HS3ST3A1: variants seen among roughly 807,000 people sequenced by gnomAD.
HS3ST3A1 encodes the protein heparan sulfate glucosamine 3-O-sulfotransferase 3A1.
A neutral mutation model predicts 25.7 loss-of-function variants in HS3ST3A1; 19 were observed. That is an observed-to-expected ratio of 0.74 (90% CI 0.52 to 1.08). The LOEUF is 1.08. HS3ST3A1 is among the 50% of genes least tolerant of loss of function. The probability of loss-of-function intolerance (pLI) is 0.00; values close to 1 mark genes in which losing one functional copy is unlikely to be tolerated. For synonymous variants in HS3ST3A1, 226 were observed against 278.6 expected (o/e 0.81, Z 1.88); for missense variants, 459 against 594.3 (o/e 0.77, Z 2.37).
chr17:13,584,521 A>G (rs1360560375), intron 1 of HS3ST3A1, among the ~76,000 whole-genome samples: 2 of 147,972 alleles, frequency 1.4e-5, no homozygotes, highest in Non-Finnish European at 3.0e-5. Context: ...GAAGGAAAAA[A>G]GGAAGGAAGG....
At chr17:13,579,829 G>GGCC (rs1908059645) in intron 1 of HS3ST3A1, among the ~76,000 whole-genome samples, 2 of 150,434 alleles carry the variant, frequency 1.3e-5, no homozygotes, top group Non-Finnish European at 3.0e-5. Context: ...AAATTAGTGG[G>GGCC]GCCGTGGTGG....
At position 13,570,183 on chromosome 17, in the gene HS3ST3A1, T is replaced by C. The variant is rs117602471; in HGVS notation, c.599+30348A>G. ...TACTCAGAGATGCAAAGTAAACCAA[T>C]GATCTTAGGATATGGAAGACGTAAA... On this transcript the variant is annotated intron_variant, in intron 1 of 1. Coordinates refer to ENST00000284110, the MANE Select transcript of HS3ST3A1 (RefSeq NM_006042.3). Among the ~76,000 whole-genome samples the C allele has an allele frequency of 9.7e-3, 1,459 of 150,622 alleles. 12 individuals carry two copies. The highest frequency in any genetic ancestry group is 0.016 in the Non-Finnish European group (1,080 of 67,986).
chr17:13,574,984 C>T (rs1907914910), intron 1 of HS3ST3A1, among the ~76,000 whole-genome samples: 1 of 152,138 alleles, frequency 6.6e-6, no homozygotes, highest in African/African-American at 2.4e-5. Context: ...AATGCATCCA[C>T]ATATGCTTCC....
At chr17:13,569,265 A>G (rs1236948246) in intron 1 of HS3ST3A1, among the ~76,000 whole-genome samples, 1 of 151,974 alleles carries the variant, frequency 6.6e-6, no homozygotes, top group Non-Finnish European at 1.5e-5. Context: ...GGCTGGATAT[A>G]CTTGTTTTTG....
chr17:13,595,563 A>T (rs531711861), intron 1 of HS3ST3A1, among the ~76,000 whole-genome samples: 1 of 152,302 alleles, frequency 6.6e-6, no homozygotes, highest in Non-Finnish European at 1.5e-5. Context: ...CTGATTACAT[A>T]TTAGAGGCAC....
chr17:13,517,186 T>C (rs1487367031), intron 1 of HS3ST3A1, among the ~76,000 whole-genome samples: 3 of 152,242 alleles, frequency 2.0e-5, no homozygotes, highest in Non-Finnish European at 4.4e-5. Context: ...ATTTCAAACA[T>C]ATCTAAATCA....
chr17:13,541,673 C>T (rs1175502881), intron 1 of HS3ST3A1, among the ~76,000 whole-genome samples: 1 of 152,124 alleles, frequency 6.6e-6, no homozygotes, highest in Admixed American at 6.5e-5. Context: ...ATACCCTTTG[C>T]CTTAGTTTTG....
In HS3ST3A1 at chr17:13,515,060, A is replaced by T. The variant is rs146284477; in HGVS notation, c.600-18242T>A. The stretch of plus-strand genomic sequence containing the variant: ...ATGAAGAGGGAAAGGGGATTTAATT[A>T]AAATATTGTATAATTCTTCAATGTA... On this transcript the variant is annotated intron_variant, in intron 1 of 1. Coordinates refer to ENST00000284110, the MANE Select transcript of HS3ST3A1 (RefSeq NM_006042.3). Among the ~76,000 whole-genome samples the T allele has an allele frequency of 4.4e-3, 664 of 152,368 alleles. 1 individual carries two copies. Among genetic ancestry groups the T allele is most frequent in the Middle Eastern group, 0.014 (4 of 294 alleles).
At chr17:13,550,843 C>G (rs939207954) in intron 1 of HS3ST3A1, among the ~76,000 whole-genome samples, 2 of 152,084 alleles carry the variant, frequency 1.3e-5, no homozygotes, top group South Asian at 4.1e-4. Flanking sequence ...CCAAGGCGGG[C>G]AGATCTCGAT....
intron 1 of HS3ST3A1, among the ~76,000 whole-genome samples, chr17:13,545,740 G>T (rs113569300): frequency 2.0e-5 from 3 of 152,176 alleles, no homozygotes; most frequent in African/African-American, 7.2e-5. Flanking sequence ...ATTTTCGGGG[G>T]CCGAGGCGCA....
intron 1 of HS3ST3A1, chr17:13,543,724 T>TA (rs1907002887): frequency 6.5e-6 from 1 of 154,604 alleles, no homozygotes; most frequent in Non-Finnish European, 1.5e-5. Context: ...GTCTCAATGA[T>TA]AAAAAAGGAA....
chr17:13,585,854 T>G (rs1453700856), intron 1 of HS3ST3A1, among the ~76,000 whole-genome samples: 4 of 139,652 alleles, frequency 2.9e-5, no homozygotes, highest in African/African-American at 1.1e-4. Flanking sequence ...TTTTTTTTTT[T>G]TTTTTTTTTT....
intron 1 of HS3ST3A1, among the ~76,000 whole-genome samples, chr17:13,522,847 C>CAG (rs571576989): frequency 0.3 from 40,381 of 132,982 alleles, 5,476 homozygotes; most frequent in East Asian, 0.37. Flanking sequence ...CACACACACA[C>CAG]AGAGAGACAC....
rs71144974 is a variant in HS3ST3A1, at chr17:13,556,850, T to TAAA, written c.599+43678_599+43680dup. On this transcript the variant is annotated intron_variant, in intron 1 of 1. Coordinates refer to ENST00000284110, the MANE Select transcript of HS3ST3A1 (RefSeq NM_006042.3). Reference sequence around the variant, plus strand: ...CTGGGCGAAAGAGCGAAACTCCGCCTAAAAAAAAAAAAAAAAGCAAGATGA... The same window carrying TAAA: ...CTGGGCGAAAGAGCGAAACTCCGCCTAAAAAAAAAAAAAAAAAAAGCAAGATGA... 4.0e-5 allele frequency among the ~76,000 whole-genome samples: 5 copies of TAAA among 124,914 alleles called. 1 individual carries two copies. Among genetic ancestry groups the TAAA allele is most frequent in the South Asian group, 2.6e-4 (1 of 3,918 alleles). The allele number at this position is 124,914 out of a possible 152,430, so 81.9% of individuals were successfully genotyped here.
chr17:13,552,532 G>A (rs1907272631), intron 1 of HS3ST3A1, among the ~76,000 whole-genome samples: 1 of 152,158 alleles, frequency 6.6e-6, no homozygotes, highest in Admixed American at 6.5e-5. Context: ...GGATTCAGAG[G>A]AGGCCGTTTC....
chr17:13,562,135 C>T (rs1200639965), intron 1 of HS3ST3A1, among the ~76,000 whole-genome samples: 1 of 152,152 alleles, frequency 6.6e-6, no homozygotes, highest in Non-Finnish European at 1.5e-5. Context: ...TCTTCTTTCC[C>T]TTCTCCCCAT....
At chr17:13,516,138 G>A (rs8069715) in intron 1 of HS3ST3A1, among the ~76,000 whole-genome samples, 2 of 151,758 alleles carry the variant, frequency 1.3e-5, no homozygotes, top group African/African-American at 2.4e-5. Flanking sequence ...GAGAAAGCCC[G>A]TTGCTACTAA....
chr17:13,514,665 T>C (rs1567611505), intron 1 of HS3ST3A1, among the ~76,000 whole-genome samples: 1 of 152,154 alleles, frequency 6.6e-6, no homozygotes, highest in African/African-American at 2.4e-5. Flanking sequence ...GGGTGGATCA[T>C]GGGAGGTCAG....
chr17:13,516,309 CAAAAAAAT>C (rs1462828775), intron 1 of HS3ST3A1, among the ~76,000 whole-genome samples: 2 of 151,050 alleles, frequency 1.3e-5, no homozygotes, highest in African/African-American at 4.9e-5. Context: ...GACTCTGTCT[CAAAAAAAT>C]AAAAAAATAA....
Sources: gnomAD v4.1 joint callset for allele counts (sites outside exome capture counted in the v4.1 genomes callset) on GRCh38, gnomAD v4.1.1 for gene constraint, MANE v1.5 for transcripts, NCBI Gene and HGNC (gene_info 2026-07-23, HGNC 2026-07-21) for gene names.